The following USP13 variants were observed in gnomAD, a reference collection of about 807,000 sequenced individuals.
The protein encoded by USP13 is ubiquitin specific peptidase 13, also known as ubiquitin carboxyl-terminal hydrolase 13.
USP13 carries 68 observed loss-of-function variants against 107.8 expected under a neutral mutation model. The observed-to-expected ratio is 0.63, with a 90% CI of 0.52 to 0.77. The LOEUF is 0.77. Ranked by LOEUF, USP13 falls within the 30% of genes least tolerant of loss-of-function variation. USP13 has a pLI of 0.00. For missense variants in USP13, 945 were observed against 1,093.3 expected (o/e 0.86, Z 1.91); for synonymous variants, 377 against 389.5 (o/e 0.97, Z 0.38).
intron 4 of USP13, among the ~76,000 whole-genome samples, chr3:179,706,535 A>C (rs1712724529): frequency 6.6e-6 from 1 of 152,152 alleles, no homozygotes; most frequent in Non-Finnish European, 1.5e-5. Context: ...AGGATATTGG[A>C]TATCTGAGTG....
chr3:179,752,327 G>A lies in USP13; in HGVS notation c.1752G>A (p.Gln584=). Residue 584 remains glutamine (Q), a synonymous_variant, in exon 14 of 21, where the codon CAG becomes CAA. Transcript: ENST00000263966. ...FASFPEYLVV[Q]IKKFTFGLDW... is the part of the protein sequence containing the mutation. Reference sequence around the variant, plus strand: ...CATTCCCTGAATACTTGGTAGTGCAGATAAAGAAGTTCACTTTTGGTCTTG... The same window carrying A: ...CATTCCCTGAATACTTGGTAGTGCAAATAAAGAAGTTCACTTTTGGTCTTG... 8.1e-6 allele frequency: 13 copies of A among 1,614,142 alleles called. No individual in the cohort carries two copies. The highest frequency in any genetic ancestry group is 1.1e-5 in the Non-Finnish European group (13 of 1,180,008).
intron 2 of USP13, among the ~76,000 whole-genome samples, chr3:179,686,191 C>A (rs1201768050): frequency 6.6e-6 from 1 of 152,192 alleles, no homozygotes; most frequent in African/African-American, 2.4e-5. Flanking sequence ...CTTTTCTATA[C>A]ATTCCTTGGT....
Position 179,742,445 on chromosome 3 carries a change from G to A in USP13, c.1534+95G>A. 1 of 1,495,316 alleles carries A rather than the reference G, an allele frequency of 6.7e-7. No homozygotes were observed. 92.6% of individuals were successfully genotyped at this position (1,495,316 alleles called of 1,614,324 possible). ...TGGTTTAGTCACTGAAGTGTGTCAG[G>A]AGTAGACCCAGCCCAGGTGATGTCT... On this transcript the variant is annotated intron_variant, in intron 12 of 20. Transcript: ENST00000263966. This position sits in a 1 kb window ranked among gnomAD's most constrained non-coding sequence, Gnocchi z 5.0.
chr3:179,680,146 C>G (rs556205506), intron 1 of USP13, among the ~76,000 whole-genome samples: 1 of 151,336 alleles, frequency 6.6e-6, no homozygotes, highest in African/African-American at 2.4e-5. Context: ...ACACTCCAGC[C>G]TGGGGAACAG....
intron 1 of USP13, among the ~76,000 whole-genome samples, chr3:179,679,953 T>C (rs191854159): frequency 1.3e-5 from 2 of 152,186 alleles, no homozygotes; most frequent in East Asian, 1.9e-4. Flanking sequence ...AGTGGGCGGA[T>C]TGCTTGAGCC....
At chr3:179,777,619 A>AT (rs2108553057) in intron 19 of USP13, among the ~76,000 whole-genome samples, 2 of 151,000 alleles carry the variant, frequency 1.3e-5, no homozygotes, top group South Asian at 4.2e-4. Context: ...TGCCTGGCTA[A>AT]TTTTTTTGTA....
intron 16 of USP13, among the ~76,000 whole-genome samples, chr3:179,758,272 A>G (rs996806252): frequency 6.6e-6 from 1 of 152,054 alleles, no homozygotes; most frequent in Admixed American, 6.6e-5. Context: ...GTTGCGCCTG[A>G]TGCTGTGGAG....
intron 8 of USP13, among the ~76,000 whole-genome samples, chr3:179,728,950 A>G (rs1713686919): frequency 6.7e-6 from 1 of 150,228 alleles, no homozygotes; most frequent in Non-Finnish European, 1.5e-5. Context: ...CCGTGGAGAG[A>G]GGGAGAGGGA....
intron 14 of USP13, among the ~76,000 whole-genome samples, chr3:179,753,278 C>T (rs1259916134): frequency 6.6e-6 from 1 of 152,190 alleles, no homozygotes; most frequent in African/African-American, 2.4e-5. Context: ...AACAGTTACG[C>T]AGCACTTGTT....
chr3:179,721,259 T>G lies in USP13; in HGVS notation c.901-143T>G, dbSNP rs1022671543. 6 of 854,330 alleles carry G rather than the reference T, an allele frequency of 7.0e-6. No individual in the cohort carries two copies. The African/African-American group carries it at 9.5e-5, about 13-fold the overall frequency. 52.9% of individuals were successfully genotyped at this position (854,330 alleles called of 1,614,324 possible). On this transcript the variant is annotated intron_variant, in intron 7 of 20. Coordinates refer to ENST00000263966, the MANE Select transcript of USP13 (RefSeq NM_003940.3). The surrounding 1 kb of genome is among the most constrained non-coding windows in gnomAD (Gnocchi z 4.3). ...GCCACCATCACCGTCTCTCAGTCTT[T>G]TTTATTTGCATTGTTTATTTCTCTA...
At chr3:179,751,931 C>T (rs1485027633) in intron 13 of USP13, among the ~76,000 whole-genome samples, 11 of 152,028 alleles carry the variant, frequency 7.2e-5, no homozygotes, top group Admixed American at 5.2e-4. Context: ...TTAGTAGAGA[C>T]GGGGTTTCAC....
chr3:179,720,773 CCTAT>C (rs1213660033), intron 7 of USP13, among the ~76,000 whole-genome samples: 1 of 151,846 alleles, frequency 6.6e-6, no homozygotes, highest in Non-Finnish European at 1.5e-5. Flanking sequence ...TCATCCTCCT[CCTAT>C]CTCTTTCCCT....
At chr3:179,762,909 CT>C (rs1189668275) in intron 17 of USP13, among the ~76,000 whole-genome samples, 1 of 152,080 alleles carries the variant, frequency 6.6e-6, no homozygotes, top group Non-Finnish European at 1.5e-5. Context: ...TTATTATTAT[CT>C]TTTTTATCAT....
At chr3:179,728,120 G>T (rs1312397378) in intron 8 of USP13, among the ~76,000 whole-genome samples, 1 of 112,690 alleles carries the variant, frequency 8.9e-6, no homozygotes, top group Non-Finnish European at 2.0e-5. Flanking sequence ...CCGGGCAGAG[G>T]GGCTCCTCAC....
Position 179,739,305 on chromosome 3 carries a change from C to T in USP13, c.1255-942C>T, listed in dbSNP as rs189236215. Among the ~76,000 whole-genome samples the T allele has an allele frequency of 7.9e-5, 12 of 152,344 alleles. No individual in the cohort carries two copies. In the East Asian group the frequency reaches 1.2e-3, roughly 15 times the overall value. ...GTTGCCCTGCTGCCTGTTCTTCCCC[C>T]GCAGCCTTTCTAGCAGCTGCAGCCA... On this transcript the variant is annotated intron_variant, in intron 10 of 20. Coordinates refer to ENST00000263966, the MANE Select transcript of USP13 (RefSeq NM_003940.3).
chr3:179,659,961 T>G (rs1027214109), intron 1 of USP13, among the ~76,000 whole-genome samples: 13 of 152,190 alleles, frequency 8.5e-5, no homozygotes, highest in Admixed American at 7.2e-4. Flanking sequence ...GAGAATCGCT[T>G]GAACCTGGGA....
chr3:179,659,068 G>T (rs1410773762), intron 1 of USP13, among the ~76,000 whole-genome samples: 1 of 152,172 alleles, frequency 6.6e-6, no homozygotes, highest in Non-Finnish European at 1.5e-5. Context: ...TTAAGAAGGA[G>T]CTTTTTTCCC....
intron 6 of USP13, among the ~76,000 whole-genome samples, chr3:179,714,316 C>T (rs17788199): frequency 0.046 from 6,976 of 152,278 alleles, 209 homozygotes; most frequent in Non-Finnish European, 0.068. Flanking sequence ...TCTTTACCCC[C>T]GACCTGGGCA....
intron 3 of USP13, among the ~76,000 whole-genome samples, chr3:179,693,340 A>G (rs952491662): frequency 4.6e-5 from 7 of 152,074 alleles, no homozygotes; most frequent in Non-Finnish European, 8.8e-5. Flanking sequence ...TTTTAAAGTG[A>G]TGGGGTCTCA....
Sources: gnomAD v4.1 joint callset for allele counts (sites outside exome capture counted in the v4.1 genomes callset) on GRCh38, gnomAD v4.1.1 for gene constraint, Gnocchi (gnomAD v3.1) non-coding constraint, MANE v1.5 for transcripts, NCBI Gene and HGNC (gene_info 2026-07-23, HGNC 2026-07-21) for gene names.